The following NAV2 variants were observed in gnomAD, a reference collection of about 807,000 sequenced individuals.
NAV2 encodes the protein neuron navigator 2.
A neutral mutation model predicts 223.2 loss-of-function variants in NAV2; 54 were observed. The ratio of observed to expected loss-of-function variants is 0.24; its 90% confidence interval spans 0.19 to 0.30. The LOEUF (loss-of-function observed/expected upper bound fraction) is 0.30. Ranked by LOEUF, NAV2 falls within the 10% of genes least tolerant of loss-of-function variation. The pLI, the probability that NAV2 is intolerant of heterozygous loss-of-function variation, is 1.00. For missense variants in NAV2, 2,806 were observed against 3,147.5 expected (o/e 0.89, Z 2.60); for synonymous variants, 1,279 against 1,239.3 (o/e 1.03, Z -0.67).
intron 1 of NAV2, among the ~76,000 whole-genome samples, chr11:19,412,222 C>G (rs1048663674): frequency 6.6e-5 from 10 of 152,188 alleles, no homozygotes; most frequent in African/African-American, 2.4e-4. Context: ...ACCTGGGATG[C>G]TCAAGCTTGG....
At chr11:19,451,372 C>A (rs540913564) in intron 1 of NAV2, among the ~76,000 whole-genome samples, 1 of 152,300 alleles carries the variant, frequency 6.6e-6, no homozygotes, top group East Asian at 1.9e-4. Flanking sequence ...GGAAGCAGAT[C>A]TCACCCTAAT....
intron 1 of NAV2, among the ~76,000 whole-genome samples, chr11:19,578,571 C>T (rs1202195682): frequency 6.6e-6 from 1 of 152,188 alleles, no homozygotes; most frequent in Admixed American, 6.5e-5. Flanking sequence ...ATTGTCCAGC[C>T]ACCATGCCCT....
chr11:19,735,653 G>A (rs1239854856), intron 1 of NAV2, among the ~76,000 whole-genome samples: 1 of 152,198 alleles, frequency 6.6e-6, no homozygotes, highest in African/African-American at 2.4e-5. Flanking sequence ...CAAGGAGTTT[G>A]AAACCATTCC....
chr11:19,698,180 A>G (rs1232178424), intron 1 of NAV2, among the ~76,000 whole-genome samples: 1 of 152,208 alleles, frequency 6.6e-6, no homozygotes, highest in Admixed American at 6.5e-5. Flanking sequence ...TTCCAACTCC[A>G]TCATTTACCA....
At chr11:19,544,369 C>T (rs1252244753) in intron 1 of NAV2, among the ~76,000 whole-genome samples, 1 of 152,090 alleles carries the variant, frequency 6.6e-6, no homozygotes, top group East Asian at 1.9e-4. Flanking sequence ...ACTGAGGCCA[C>T]CATAAAGATC....
At chr11:19,345,585 C>T in the NAV2 span, among the ~76,000 whole-genome samples, 5 of 152,192 alleles carry the variant, frequency 3.3e-5, no homozygotes, top group Non-Finnish European at 5.9e-5. This position sits in a 1 kb window ranked among gnomAD's most constrained non-coding sequence, Gnocchi z 5.2. Context: ...GCATAGATAC[C>T]GGGCGAGCGG....
At chr11:19,525,480 G>A (rs11605946) in intron 1 of NAV2, among the ~76,000 whole-genome samples, 21,117 of 152,240 alleles carry the variant, frequency 0.14, 1,774 homozygotes, top group South Asian at 0.24. Context: ...GCGGTCTGTC[G>A]TTAGTGATGT....
At chr11:20,021,309 T>C (rs995213162) in intron 11 of NAV2, among the ~76,000 whole-genome samples, 2 of 152,236 alleles carry the variant, frequency 1.3e-5, no homozygotes, top group Non-Finnish European at 2.9e-5. Flanking sequence ...AGATGCTTTA[T>C]AAATATGGTA....
At chr11:19,951,238 A>G (rs2047372710) in intron 10 of NAV2, among the ~76,000 whole-genome samples, 1 of 152,148 alleles carries the variant, frequency 6.6e-6, no homozygotes, top group Non-Finnish European at 1.5e-5. Context: ...AAGGTCAGAG[A>G]GAAACTTTCA....
At chr11:19,370,703 ACAGT>A (rs1400549196) in intron 1 of NAV2, among the ~76,000 whole-genome samples, 2 of 152,236 alleles carry the variant, frequency 1.3e-5, no homozygotes, top group Non-Finnish European at 2.9e-5. Context: ...GGATTGTGTA[ACAGT>A]CAGAGGATAA....
chr11:19,377,457 C>T (rs570120460), intron 1 of NAV2, among the ~76,000 whole-genome samples: 23 of 152,280 alleles, frequency 1.5e-4, no homozygotes, highest in Admixed American at 3.3e-4. Context: ...TGCAGAGCCC[C>T]GGGGCTACAG....
chr11:19,903,132 T>A (rs1488244629), intron 6 of NAV2, among the ~76,000 whole-genome samples: 1 of 152,218 alleles, frequency 6.6e-6, no homozygotes, highest in Non-Finnish European at 1.5e-5. Context: ...TCCATCAACG[T>A]GTGCATTTCA....
At chr11:19,427,040 C>A (rs1850859151) in intron 1 of NAV2, among the ~76,000 whole-genome samples, 1 of 149,104 alleles carries the variant, frequency 6.7e-6, no homozygotes, top group African/African-American at 2.5e-5. Context: ...ACTGAGACTT[C>A]TTAGCAGCTG....
chr11:19,661,420 A>C (rs2048280296), intron 1 of NAV2, among the ~76,000 whole-genome samples: 1 of 152,114 alleles, frequency 6.6e-6, no homozygotes, highest in Admixed American at 6.5e-5. Flanking sequence ...CGGTTTGATG[A>C]GGTGATTCAA....
At chr11:19,939,869 G>T in intron 8 of NAV2, 96 bp downstream of exon 8, 1 of 733,848 alleles carries the variant, frequency 1.4e-6, no homozygotes, top group Non-Finnish European at 2.2e-6. Flanking sequence ...ATTACGAGTT[G>T]CATTATGTTT....
intron 3 of NAV2, among the ~76,000 whole-genome samples, chr11:19,863,103 C>T (rs1565451568): frequency 6.6e-6 from 1 of 152,182 alleles, no homozygotes; most frequent in Non-Finnish European, 1.5e-5. Flanking sequence ...CCATCCCCAA[C>T]ATGAAACAGC....
At chr11:19,622,639 A>G (rs549280008) in intron 1 of NAV2, among the ~76,000 whole-genome samples, 4 of 151,880 alleles carry the variant, frequency 2.6e-5, no homozygotes, top group South Asian at 2.1e-4. Flanking sequence ...CCATCCCTTT[A>G]TTTTGAGCCT....
intron 1 of NAV2, among the ~76,000 whole-genome samples, chr11:19,358,051 T>G (rs1021643813): frequency 6.6e-6 from 1 of 152,220 alleles, no homozygotes; most frequent in Admixed American, 6.5e-5. Flanking sequence ...ACTTTGCTCC[T>G]AAAGCTTGGA....
intron 1 of NAV2, among the ~76,000 whole-genome samples, chr11:19,553,118 G>A (rs900959136): frequency 1.3e-5 from 2 of 152,174 alleles, no homozygotes; most frequent in Non-Finnish European, 2.9e-5. Context: ...AGGCATTCCT[G>A]TTCCCTTGCA....
Sources: allele counts gnomAD v4.1 joint callset (sites outside exome capture counted in the v4.1 genomes callset), GRCh38; gene constraint gnomAD v4.1.1; non-coding constraint Gnocchi (gnomAD v3.1); transcripts MANE v1.5; gene names NCBI Gene and HGNC (gene_info 2026-07-23, HGNC 2026-07-21).